PITPNM3: variants seen among roughly 807,000 people sequenced by gnomAD.
PITPNM3 encodes PITPNM family member 3, also known as membrane-associated phosphatidylinositol transfer protein 3.
A neutral mutation model predicts 102.0 loss-of-function variants in PITPNM3; 26 were observed. That is an observed-to-expected ratio of 0.25 (90% CI 0.19 to 0.35). The LOEUF (loss-of-function observed/expected upper bound fraction) is 0.35, where lower values mean the gene tolerates loss of function less well. Among genes scored for constraint, PITPNM3 ranks in the 10% least tolerant of loss-of-function variants. The pLI, the probability that PITPNM3 is intolerant of heterozygous loss-of-function variation, is 1.00. For missense variants in PITPNM3, 1,083 were observed against 1,346.1 expected, an observed-to-expected ratio of 0.80 and a Z score of 3.06; for synonymous variants, 578 against 558.6, an observed-to-expected ratio of 1.03 and a Z score of -0.49.
chr17:6,556,259 C>A lies in PITPNM3; in HGVS notation c.22+126G>T. 1 of 724,526 alleles carries A rather than the reference C, an allele frequency of 1.4e-6. No individual in the cohort carries two copies. Among genetic ancestry groups the A allele is most frequent in the South Asian group, 2.8e-5 (1 of 35,200 alleles). The allele number at this position is 724,526 out of a possible 1,614,324, so 44.9% of individuals were successfully genotyped here. On this transcript the variant is annotated intron_variant, in intron 1 of 19. Transcript: ENST00000262483. The surrounding 1 kb of genome is among the most constrained non-coding windows in gnomAD (Gnocchi z 5.2). ...GCGGGAGGTCCAGCCCCGCTACCGC[C>A]CCCTACGCCCTCCCGGGACCTCCGC...
In PITPNM3 at chr17:6,478,618, C is replaced by T. The variant is rs752312346; in HGVS notation, c.706G>A (p.Val236Ile). ...TAGACCTGGTTGGCTCGCTCGATGA[C>T]GGTGGCGACAGCATCCTGGTACTGC... is the stretch of plus-strand genomic sequence containing the variant. ...SPQYQDAVAT[V>I]IERANQVYRE... The change falls in exon 7 of 20, where the codon GTC (valine) becomes ATC (isoleucine). Residue 236 changes from valine to isoleucine, a missense_variant. Transcript: ENST00000262483. The surrounding 1 kb of genome is among the most constrained non-coding windows in gnomAD (Gnocchi z 4.4). The T allele has an allele frequency of 1.7e-5, 27 of 1,613,962 alleles. No homozygotes were observed. The highest frequency in any genetic ancestry group is 1.3e-4 in the Admixed American group (8 of 59,992).
chr17:6,477,951 C>T (rs777199990), intron 8 of PITPNM3, 24 bp downstream of exon 8: 56 of 1,609,826 alleles, frequency 3.5e-5, no homozygotes, highest in South Asian at 2.2e-4. Flanking sequence ...ATACCCCTCC[C>T]GCGGTCCTGT....
intron 5 of PITPNM3, 82 bp downstream of exon 5, chr17:6,484,133 AC>A: frequency 7.0e-7 from 1 of 1,435,032 alleles, no homozygotes; most frequent in Non-Finnish European, 9.7e-7. Flanking sequence ...CTGGAAGAAA[AC>A]GAGGCCGCCT....
At chr17:6,480,338 G>T (rs924608605) in intron 6 of PITPNM3, 8 of 152,254 alleles carry the variant, frequency 5.3e-5, no homozygotes, top group African/African-American at 1.7e-4. Flanking sequence ...AGGGGGAAAA[G>T]GAAGGCCCAG....
chr17:6,499,876 G>A (rs549173310), intron 4 of PITPNM3, among the ~76,000 whole-genome samples: 8 of 152,062 alleles, frequency 5.3e-5, no homozygotes, highest in South Asian at 2.1e-4. Context: ...GATTACAGGC[G>A]CATGCCACCA....
chr17:6,470,169 T>C lies in PITPNM3; in HGVS notation c.1773+91A>G. 7.1e-7 allele frequency: 1 copy of C among 1,402,500 alleles called. No homozygotes were observed. The highest frequency in any genetic ancestry group is 1.4e-5 in the African/African-American group (1 of 70,200). 86.9% of individuals were successfully genotyped at this position (1,402,500 alleles called of 1,614,324 possible). On this transcript the variant is annotated intron_variant, in intron 13 of 19. Transcript: ENST00000262483. This position sits in a 1 kb window ranked among gnomAD's most constrained non-coding sequence, Gnocchi z 4.8. ...AGGATCAAGGCCAAAAGCTGAACAG[T>C]GTCTGCAAGAATAGCCTCCTCTCCA...
At chr17:6,507,555 G>A (rs1485117400) in intron 3 of PITPNM3, among the ~76,000 whole-genome samples, 2 of 151,966 alleles carry the variant, frequency 1.3e-5, no homozygotes, top group African/African-American at 4.8e-5. Context: ...CTGCACTCCA[G>A]CCTGGGCAAC....
intron 3 of PITPNM3, among the ~76,000 whole-genome samples, chr17:6,508,664 A>G (rs996566673): frequency 2.6e-5 from 4 of 152,080 alleles, no homozygotes; most frequent in African/African-American, 9.7e-5. Context: ...AGGCTTGGGG[A>G]CTGGCTGGTG....
intron 4 of PITPNM3, among the ~76,000 whole-genome samples, chr17:6,492,334 T>C (rs1318370966): frequency 6.6e-6 from 1 of 151,850 alleles, no homozygotes; most frequent in Non-Finnish European, 1.5e-5. Context: ...AAGTGCTGGG[T>C]TTACAGACAT....
chr17:6,514,309 CA>C (rs56804713), intron 3 of PITPNM3, among the ~76,000 whole-genome samples: 75 of 146,142 alleles, frequency 5.1e-4, no homozygotes, highest in Middle Eastern at 6.9e-3. Context: ...AAGACATTAT[CA>C]AAAAAAAAAA....
At chr17:6,547,156 C>T (rs910236328) in intron 1 of PITPNM3, among the ~76,000 whole-genome samples, 18 of 152,134 alleles carry the variant, frequency 1.2e-4, no homozygotes, top group African/African-American at 4.1e-4. Context: ...AACTGAAGCT[C>T]AGAGGAGAAA....
intron 18 of PITPNM3, among the ~76,000 whole-genome samples, chr17:6,460,002 A>G (rs1904367730): frequency 6.6e-6 from 1 of 151,858 alleles, no homozygotes; most frequent in Non-Finnish European, 1.5e-5. Flanking sequence ...ACAGCCACCA[A>G]TGGGATCTTT....
At chr17:6,526,610 T>C (rs1471166417) in intron 2 of PITPNM3, among the ~76,000 whole-genome samples, 1 of 152,228 alleles carries the variant, frequency 6.6e-6, no homozygotes, top group Non-Finnish European at 1.5e-5. Context: ...CAATTCTGGT[T>C]AGGACATCTC....
chr17:6,522,972 A>C (rs1453481286), intron 3 of PITPNM3, among the ~76,000 whole-genome samples: 1 of 152,060 alleles, frequency 6.6e-6, no homozygotes, highest in East Asian at 1.9e-4. Context: ...TATTGAAATG[A>C]ATGTGTGTGT....
chr17:6,466,062 C>T (rs1597363988), intron 14 of PITPNM3, among the ~76,000 whole-genome samples: 1 of 152,320 alleles, frequency 6.6e-6, no homozygotes, highest in East Asian at 1.9e-4. Flanking sequence ...GCCTGAACGA[C>T]CTCTTCAGTC....
chr17:6,464,587 CTA>C, intron 15 of PITPNM3, 66 bp downstream of exon 15: 2 of 1,470,858 alleles, frequency 1.4e-6, no homozygotes, highest in Non-Finnish European at 1.9e-6. Context: ...ACCCCACACG[CTA>C]TGTGGCTCCA....
At chr17:6,487,083 G>A (rs1306705419) in intron 4 of PITPNM3, among the ~76,000 whole-genome samples, 2 of 152,156 alleles carry the variant, frequency 1.3e-5, no homozygotes, top group African/African-American at 4.8e-5. Context: ...GTGTGCGGCT[G>A]TGTGTGCGGC....
At chr17:6,482,619 G>A (rs909370043) in intron 6 of PITPNM3, among the ~76,000 whole-genome samples, 3 of 152,140 alleles carry the variant, frequency 2.0e-5, no homozygotes, top group Admixed American at 6.5e-5. Context: ...GCATGGTATC[G>A]GTGTCAGAAG....
In PITPNM3 at chr17:6,496,680, T is replaced by C. The variant is rs373690560; in HGVS notation, c.274+6847A>G. Among the ~76,000 whole-genome samples the C allele has an allele frequency of 3.3e-5, 5 of 152,314 alleles. No individual in the cohort carries two copies. The East Asian group carries it at 7.7e-4, about 24-fold the overall frequency. Reference sequence around the variant, plus strand: ...GACTGGGTTTGATTTTGCTCTATTTTATCCCCAAAGACTATCATGATGTTG... The same window carrying C: ...GACTGGGTTTGATTTTGCTCTATTTCATCCCCAAAGACTATCATGATGTTG... On this transcript the variant is annotated intron_variant, in intron 4 of 19. Coordinates refer to ENST00000262483, the MANE Select transcript of PITPNM3 (RefSeq NM_031220.4).
Sources: allele counts gnomAD v4.1 joint callset (sites outside exome capture counted in the v4.1 genomes callset), GRCh38; gene constraint gnomAD v4.1.1; non-coding constraint Gnocchi (gnomAD v3.1); transcripts MANE v1.5; gene names NCBI Gene and HGNC (gene_info 2026-07-23, HGNC 2026-07-21).